The following RTL4 variants were observed in gnomAD, a reference collection of about 807,000 sequenced individuals.
RTL4 encodes the protein retrotransposon Gag like 4, also known as retrotransposon Gag-like protein 4.
In RTL4, 4 loss-of-function variants were observed where a neutral mutation model predicts 5.3. The observed-to-expected ratio is 0.75, with a 90% CI of 0.37 to 1.72. The LOEUF (loss-of-function observed/expected upper bound fraction) is 1.72. Among genes scored for constraint, RTL4 ranks in the 40% most tolerant of loss-of-function variants. The pLI, the probability that RTL4 is intolerant of heterozygous loss-of-function variation, is 0.04. For missense variants in RTL4, 260 were observed against 227.1 expected (o/e 1.14, Z -0.93); for synonymous variants, 98 against 87.3 (o/e 1.12, Z -0.68).
At chrX:112,086,317 G>C in the RTL4 span, among the ~76,000 whole-genome samples, 2 of 112,648 alleles carry the variant, frequency 1.8e-5, no homozygotes, top group African/African-American at 6.4e-5. Flanking sequence ...TGAGCAATTT[G>C]AAAGCAGGTT....
At chrX:112,452,852 TGAAA>T (rs1010284377), upstream of RTL4, among the ~76,000 whole-genome samples, 5 of 110,317 alleles carry the variant, frequency 4.5e-5, no homozygotes, top group Admixed American at 3.8e-4. Context: ...GCCAACATGG[TGAAA>T]CTGTGTCTCT....
At chrX:112,107,273 T>C in the RTL4 span, among the ~76,000 whole-genome samples, 1 of 112,123 alleles carries the variant, frequency 8.9e-6, no homozygotes, top group East Asian at 2.8e-4. Flanking sequence ...TGCTTATATT[T>C]TAACAAATTT....
At chrX:112,213,626 T>G in the RTL4 span, among the ~76,000 whole-genome samples, 1 of 112,231 alleles carries the variant, frequency 8.9e-6, no homozygotes, top group Admixed American at 9.5e-5. Flanking sequence ...TTTAAAATTG[T>G]GGTATAATAT....
the RTL4 span, among the ~76,000 whole-genome samples, chrX:112,127,519 C>T: frequency 8.9e-6 from 1 of 111,755 alleles, no homozygotes; most frequent in Non-Finnish European, 1.9e-5. Flanking sequence ...TGATCAGTAA[C>T]GGGGGTGTTT....
the RTL4 span, among the ~76,000 whole-genome samples, chrX:112,109,571 G>A: frequency 1.8e-3 from 202 of 111,988 alleles, 1 homozygote; most frequent in African/African-American, 6.3e-3. Context: ...GCCACAGAGT[G>A]CTGATTGGTG....
At chrX:112,309,390 T>A in the RTL4 span, among the ~76,000 whole-genome samples, 23 of 111,377 alleles carry the variant, frequency 2.1e-4, no homozygotes, top group African/African-American at 7.5e-4. Flanking sequence ...AGCTCCATCT[T>A]CAAATGCCAT....
the RTL4 span, among the ~76,000 whole-genome samples, chrX:112,366,553 A>G: frequency 4.5e-5 from 5 of 111,519 alleles, no homozygotes; most frequent in East Asian, 1.1e-3. Context: ...TGCTCTTTGG[A>G]GATAAGTATT....
chrX:112,392,399 G>A, the RTL4 span, among the ~76,000 whole-genome samples: 1 of 111,727 alleles, frequency 9.0e-6, no homozygotes, highest in Non-Finnish European at 1.9e-5. Flanking sequence ...GTAACTGGAG[G>A]TATCAATAGT....
At chrX:112,123,547 C>T in the RTL4 span, among the ~76,000 whole-genome samples, 5 of 112,044 alleles carry the variant, frequency 4.5e-5, no homozygotes, top group African/African-American at 9.7e-5. Flanking sequence ...AGCCAGTTTT[C>T]CCAGCACCAT....
the RTL4 span, among the ~76,000 whole-genome samples, chrX:112,277,567 C>T: frequency 1.8e-5 from 2 of 111,547 alleles, no homozygotes; most frequent in African/African-American, 3.3e-5. Context: ...CAACCTGGTT[C>T]GCCATGCAGA....
chrX:112,321,555 G>A, the RTL4 span, among the ~76,000 whole-genome samples: 2 of 103,581 alleles, frequency 1.9e-5, no homozygotes. Flanking sequence ...AAAAAAGAAA[G>A]AAAAAGAAAA....
chrX:112,398,612 G>A, the RTL4 span, among the ~76,000 whole-genome samples: 1 of 109,806 alleles, frequency 9.1e-6, no homozygotes, highest in Admixed American at 9.7e-5. Flanking sequence ...TGTTAGCCAG[G>A]ATGGTCTCGA....
the RTL4 span, among the ~76,000 whole-genome samples, chrX:112,138,506 C>T: frequency 9.0e-6 from 1 of 111,129 alleles, no homozygotes; most frequent in Non-Finnish European, 1.9e-5. Flanking sequence ...CTAGAGTGTA[C>T]TTATCTAGGA....
At chrX:112,228,543 T>A in the RTL4 span, among the ~76,000 whole-genome samples, 2 of 112,422 alleles carry the variant, frequency 1.8e-5, no homozygotes, top group African/African-American at 6.5e-5. Context: ...GTGTATGTGG[T>A]GAGAACACTT....
exon 1 of RTL4, chrX:112,454,551 T>C: frequency 2.4e-6 from 1 of 422,694 alleles, no homozygotes; most frequent in East Asian, 3.9e-5. Flanking sequence ...CGGACAACAC[T>C]TTTTGGCATC....
chrX:112,110,314 T>C, the RTL4 span, among the ~76,000 whole-genome samples: 1 of 111,938 alleles, frequency 8.9e-6, no homozygotes, highest in Admixed American at 9.4e-5. Flanking sequence ...TTTGGGATTG[T>C]AGAGTAAGAA....
At chrX:112,150,018 C>A in the RTL4 span, among the ~76,000 whole-genome samples, 1 of 111,093 alleles carries the variant, frequency 9.0e-6, no homozygotes, top group East Asian at 2.8e-4. Context: ...ATAGAGGGAG[C>A]AACCAATGAC....
the RTL4 span, among the ~76,000 whole-genome samples, chrX:112,277,117 T>A: frequency 0.017 from 1,947 of 111,390 alleles, 37 homozygotes; most frequent in African/African-American, 0.059. Context: ...GTTTCCCCCA[T>A]GTCTTGGGTC....
chrX:112,219,618 C>G, the RTL4 span, among the ~76,000 whole-genome samples: 1 of 111,782 alleles, frequency 8.9e-6, no homozygotes, highest in East Asian at 2.8e-4. Context: ...CAAAACAAAC[C>G]AAAATTATCA....
Sources: allele counts gnomAD v4.1 joint callset (sites outside exome capture counted in the v4.1 genomes callset), GRCh38; gene constraint gnomAD v4.1.1; transcripts MANE v1.5; gene names NCBI Gene and HGNC (gene_info 2026-07-23, HGNC 2026-07-21).